The following RANBP2 variants were observed in gnomAD, a reference collection of about 807,000 sequenced individuals.
The protein encoded by RANBP2 is E3 SUMO-protein ligase RanBP2.
Under a neutral mutation model 303.6 loss-of-function variants are expected in RANBP2, and 57 were observed. The ratio of observed to expected loss-of-function variants is 0.19; its 90% CI spans 0.15 to 0.23. RANBP2 has a LOEUF of 0.23. Among genes scored for constraint, RANBP2 ranks in the 10% least tolerant of loss-of-function variants. The pLI, the probability that RANBP2 is intolerant of heterozygous loss-of-function variation, is 1.00. For missense variants in RANBP2, 3,138 were observed against 3,780.8 expected (o/e 0.83, Z 4.46); for synonymous variants, 1,167 against 1,301.5 (o/e 0.90, Z 2.23).
the RANBP2 span, among the ~76,000 whole-genome samples, chr2:109,446,923 C>A: frequency 6.6e-6 from 1 of 151,938 alleles, no homozygotes; most frequent in Non-Finnish European, 1.5e-5. Flanking sequence ...CTGTCACCCC[C>A]CTTCCAGGGA....
the RANBP2 span, among the ~76,000 whole-genome samples, chr2:108,849,176 C>G: frequency 6.6e-6 from 1 of 151,940 alleles, no homozygotes; most frequent in Non-Finnish European, 1.5e-5. Context: ...AAATGAATTA[C>G]ACAGAGAAAA....
the RANBP2 span, among the ~76,000 whole-genome samples, chr2:109,421,186 C>T: frequency 1.3e-5 from 2 of 152,220 alleles, no homozygotes; most frequent in Non-Finnish European, 2.9e-5. Flanking sequence ...AAGAAACCTG[C>T]ACCCACAGTG....
chr2:108,938,484 G>A, the RANBP2 span, among the ~76,000 whole-genome samples: 2,280 of 152,274 alleles, frequency 0.015, 27 homozygotes, highest in South Asian at 0.03. Flanking sequence ...TTGGAGGATT[G>A]CTCACGAAAA....
chr2:109,497,915 T>C, the RANBP2 span, among the ~76,000 whole-genome samples: 1 of 152,234 alleles, frequency 6.6e-6, no homozygotes, highest in East Asian at 1.9e-4. Context: ...CTTTCTTTCC[T>C]TGGGGAAGAG....
chr2:109,062,484 T>C, the RANBP2 span, among the ~76,000 whole-genome samples: 5 of 152,128 alleles, frequency 3.3e-5, no homozygotes, highest in Non-Finnish European at 7.4e-5. Context: ...CTTGTGTGTA[T>C]AGCCGGGTGG....
At chr2:108,725,837 G>A (rs1262851975) in intron 1 of RANBP2, among the ~76,000 whole-genome samples, 3 of 151,790 alleles carry the variant, frequency 2.0e-5, no homozygotes, top group Non-Finnish European at 4.4e-5. Context: ...TTTTGAGACG[G>A]AGGCTTGCTC....
chr2:109,085,681 A>G, the RANBP2 span, among the ~76,000 whole-genome samples: 2 of 144,960 alleles, frequency 1.4e-5, no homozygotes. Context: ...GCTCACTGCA[A>G]CCTCTGCCTC....
At chr2:109,735,926 A>G in the RANBP2 span, among the ~76,000 whole-genome samples, 22 of 152,340 alleles carry the variant, frequency 1.4e-4, no homozygotes, top group Non-Finnish European at 2.8e-4. Flanking sequence ...CACAAGTGAA[A>G]TTGCAAAGCC....
At chr2:109,400,289 G>A in the RANBP2 span, among the ~76,000 whole-genome samples, 1 of 151,438 alleles carries the variant, frequency 6.6e-6, no homozygotes, top group Non-Finnish European at 1.5e-5. Flanking sequence ...GCACTCCCAC[G>A]CACATGTGCA....
chr2:109,519,795 T>C, the RANBP2 span, among the ~76,000 whole-genome samples: 1 of 152,228 alleles, frequency 6.6e-6, no homozygotes, highest in Non-Finnish European at 1.5e-5. Context: ...CCTGCTCTTG[T>C]TGCTGTTCCA....
At chr2:108,794,790 T>G in the RANBP2 span, 2 of 1,069,126 alleles carry the variant, frequency 1.9e-6, no homozygotes, top group Non-Finnish European at 2.6e-6. Context: ...TTTACGAAAT[T>G]TGAATATAAT....
At chr2:108,915,068 A>G in the RANBP2 span, among the ~76,000 whole-genome samples, 1 of 152,132 alleles carries the variant, frequency 6.6e-6, no homozygotes, top group Admixed American at 6.5e-5. Context: ...GTGTGCCACC[A>G]CACCTACTTT....
the RANBP2 span, chr2:109,667,306 C>G: frequency 1.1e-4 from 67 of 634,624 alleles, no homozygotes; most frequent in East Asian, 1.8e-3. Context: ...GTCCTGTGGC[C>G]AATTGACTGC....
At chr2:108,879,258 C>T in the RANBP2 span, among the ~76,000 whole-genome samples, 1 of 152,208 alleles carries the variant, frequency 6.6e-6, no homozygotes, top group African/African-American at 2.4e-5. Flanking sequence ...AAGCATGAAC[C>T]AATGTGCCTA....
chr2:109,295,199 C>T, the RANBP2 span, among the ~76,000 whole-genome samples: 1 of 152,224 alleles, frequency 6.6e-6, no homozygotes, highest in Non-Finnish European at 1.5e-5. Context: ...CAGTGATGAG[C>T]GAGCTCATGG....
At chr2:109,567,479 A>G in the RANBP2 span, among the ~76,000 whole-genome samples, 2 of 152,206 alleles carry the variant, frequency 1.3e-5, no homozygotes, top group Non-Finnish European at 2.9e-5. Flanking sequence ...GAGGCTGTAA[A>G]GTCTTCTCAT....
the RANBP2 span, among the ~76,000 whole-genome samples, chr2:109,678,973 A>G: frequency 3.5e-4 from 54 of 152,344 alleles, no homozygotes; most frequent in East Asian, 7.9e-3. Flanking sequence ...TCTGGCTGGG[A>G]AGCCGGCAGT....
At chr2:109,126,180 A>G in the RANBP2 span, among the ~76,000 whole-genome samples, 1 of 152,124 alleles carries the variant, frequency 6.6e-6, no homozygotes, top group Non-Finnish European at 1.5e-5. Flanking sequence ...CGTTAATTTC[A>G]TGCCCTGCCC....
At chr2:109,168,860 CAAAT>C in the RANBP2 span, among the ~76,000 whole-genome samples, 2 of 152,226 alleles carry the variant, frequency 1.3e-5, no homozygotes, top group Non-Finnish European at 2.9e-5. Flanking sequence ...TCTTTGGAAA[CAAAT>C]GAATGGAACG....
Sources: gnomAD v4.1 joint callset for allele counts (sites outside exome capture counted in the v4.1 genomes callset) on GRCh38, gnomAD v4.1.1 for gene constraint, MANE v1.5 for transcripts, NCBI Gene and HGNC (gene_info 2026-07-23, HGNC 2026-07-21) for gene names.